The following OBSL1 variants were observed in gnomAD, a reference collection of about 807,000 sequenced individuals.
OBSL1 encodes obscurin like cytoskeletal adaptor 1, also known as obscurin-like protein 1.
A neutral mutation model predicts 172.0 loss-of-function variants in OBSL1; 160 were observed. The ratio of observed to expected loss-of-function variants is 0.93; its 90% confidence interval spans 0.82 to 1.06. OBSL1 has a LOEUF of 1.06. OBSL1 is among the 50% of genes least tolerant of loss of function. The pLI is 0.00. For synonymous variants in OBSL1, 1,200 were observed against 1,196.3 expected (o/e 1.00, Z -0.06); for missense variants, 2,681 against 2,715.4 (o/e 0.99, Z 0.28).
intron 16 of OBSL1, 92 bp downstream of exon 16, chr2:219,553,482 C>T (rs1263573632): frequency 1.1e-6 from 1 of 929,398 alleles, no homozygotes; most frequent in Non-Finnish European, 1.7e-6. Context: ...GTGCCAGGCA[C>T]ATCCGCTCAA....
chr2:219,560,102 TC>T (rs1232977041), intron 8 of OBSL1, among the ~76,000 whole-genome samples: 1 of 152,160 alleles, frequency 6.6e-6, no homozygotes, highest in Non-Finnish European at 1.5e-5. Context: ...CCAGGAACAG[TC>T]CCAAGCACTT....
downstream of OBSL1, chr2:219,547,266 A>G (rs1172566043): frequency 2.5e-6 from 1 of 407,662 alleles, no homozygotes; most frequent in Non-Finnish European, 4.3e-6. Flanking sequence ...ATCAACCCTC[A>G]TGATCTCAAT....
rs781561827 is a variant in OBSL1, at chr2:219,556,656, C to T, written c.4134G>A (p.Thr1378=). 9 of 1,612,696 alleles carry T rather than the reference C, an allele frequency of 5.6e-6. No homozygotes were observed. The highest frequency in any genetic ancestry group is 1.7e-5 in the Admixed American group (1 of 59,982). Residue 1378 remains threonine, a synonymous_variant, in exon 13 of 21, where the codon ACG becomes ACA. Transcript: ENST00000404537. The part of the protein sequence containing the change: ...PLTVHEGDDA[T]FRCEVSPPDA... ...CTGGTGGGGAGACTTCACACCGGAA[C>T]GTGGCATCATCGCCCTCGTGGACAG... is the stretch of plus-strand genomic sequence containing the variant.
At chr2:219,553,227 G>T (rs758878802) in intron 16 of OBSL1, among the ~76,000 whole-genome samples, 5 of 152,192 alleles carry the variant, frequency 3.3e-5, no homozygotes, top group Non-Finnish European at 7.4e-5. Flanking sequence ...TCACCCTTTG[G>T]GGACCTTAGG....
In OBSL1 at chr2:219,570,961, C is replaced by T. The variant is rs1436149831; in HGVS notation, c.272G>A (p.Gly91Asp). The T allele has an allele frequency of 7.8e-7, 1 of 1,282,718 alleles. No homozygotes were observed. Among genetic ancestry groups the T allele is most frequent in the Non-Finnish European group, 9.8e-7 (1 of 1,022,354 alleles). The allele number at this position is 1,282,718 out of a possible 1,614,324, so 79.5% of individuals were successfully genotyped here. ...VYVCRARNAA[G>D]EAYAAAAVTV... is the part of the protein sequence containing the mutation. ...GACGGCGGCCGCCGCGTAGGCCTCG[C>T]CGGCCGCGTTGCGGGCGCGGCACAC... Residue 91 changes from glycine (G) to aspartate (D), a missense_variant, in exon 1 of 21, where the codon GGC (glycine) becomes GAC (aspartate). Coordinates refer to ENST00000404537, the MANE Select transcript of OBSL1 (RefSeq NM_015311.3).
chr2:219,566,560 A>G (rs1000662962), intron 5 of OBSL1, among the ~76,000 whole-genome samples: 3 of 152,160 alleles, frequency 2.0e-5, no homozygotes, highest in Non-Finnish European at 2.9e-5. Flanking sequence ...TGAGATGACA[A>G]ATCTGACAGG....
Position 219,556,588 on chromosome 2 carries a change from G to C in OBSL1, c.4202C>G (p.Pro1401Arg). ...TWLRNGAVVT[P>R]GPQVEMAQNG... is the part of the protein sequence containing the mutation. ...CTGGGCCATCTCCACCTGGGGCCCT[G>C]GAGTGACGACGGCCCCATTGCGCAG... The change falls in exon 13 of 21, where the codon CCA becomes CGA. Residue 1401 changes from proline (P) to arginine (R), a missense_variant. Physicochemically the swap from Pro to Arg is moderately radical, Grantham distance 103. This residue lies in a region of OBSL1 where 1,765 missense variants were observed against 1,748.3 expected (regional missense o/e 1.01). Coordinates refer to ENST00000404537, the MANE Select transcript of OBSL1 (RefSeq NM_015311.3). 6.2e-7 allele frequency: 1 copy of C among 1,614,010 alleles called. No homozygotes were observed. Among genetic ancestry groups the C allele is most frequent in the Non-Finnish European group, 8.5e-7 (1 of 1,179,896 alleles).
Position 219,556,020 on chromosome 2 carries a change from G to T in OBSL1, c.4609C>A (p.Pro1537Thr). Residue 1537 changes from proline to threonine, a missense_variant and splice_region_variant, in exon 14 of 21, where the codon CCG becomes ACG. By Grantham distance (38) the Pro-to-Thr change is conservative. Coordinates refer to ENST00000404537, the MANE Select transcript of OBSL1 (RefSeq NM_015311.3). The stretch of plus-strand genomic sequence containing the variant: ...CATTAAGAGAGGACGGGGCACTCAC[G>T]CCTCACGCTGAGCCTGGCCAGGGTG... ...DRTLARLSVR[P>T]RQLRVLRPLE... The T allele has an allele frequency of 1.2e-6, 2 of 1,613,304 alleles. No individual in the cohort carries two copies. Among genetic ancestry groups the T allele is most frequent in the Non-Finnish European group, 1.7e-6 (2 of 1,179,816 alleles).
At chr2:219,551,925 T>G (rs561477104) in intron 19 of OBSL1, 127 bp from the exon 20 acceptor site, 1 of 854,834 alleles carries the variant, frequency 1.2e-6, no homozygotes, top group East Asian at 2.6e-5. Flanking sequence ...TCCGTTCCCT[T>G]GCACCTCAGA....
At chr2:219,552,468 T>C in intron 18 of OBSL1, 68 bp downstream of exon 18, 1 of 1,444,588 alleles carries the variant, frequency 6.9e-7, no homozygotes, top group Non-Finnish European at 9.2e-7. Context: ...CTTGTCCCGG[T>C]GGGGCGGGAT....
rs1298874283 is a variant in OBSL1 at position 219,552,652 on chromosome 2, C to T, written c.5192G>A (p.Arg1731His). 1.9e-6 allele frequency: 3 copies of T among 1,544,766 alleles called. No individual in the cohort carries two copies. Among genetic ancestry groups the T allele is most frequent in the Non-Finnish European group, 2.6e-6 (3 of 1,149,406 alleles). The change falls in exon 18 of 21, where the codon CGC becomes CAC. Residue 1731 changes from arginine to histidine, a missense_variant. By Grantham distance (29) the Arg-to-His change is conservative (BLOSUM62 0). This residue lies in a region of OBSL1 where 1,765 missense variants were observed against 1,748.3 expected (regional missense o/e 1.01). Transcript: ENST00000404537. ...VLSELRSVSA[R>H]EGDGATFECT... Reference sequence around the variant, plus strand: ...CTCGAACGTAGCGCCGTCGCCTTCGCGGGCGCTCACCGACCGCAGCTCGGA... The same window carrying T: ...CTCGAACGTAGCGCCGTCGCCTTCGTGGGCGCTCACCGACCGCAGCTCGGA...
intron 12 of OBSL1, 155 bp from the exon 13 acceptor site, chr2:219,556,878 AG>A (rs1390417608): frequency 3.8e-6 from 3 of 782,290 alleles, no homozygotes; most frequent in Non-Finnish European, 6.0e-6. Context: ...CCAAAGGACA[AG>A]ATGCCAGCTC....
chr2:219,567,845 CG>C lies in OBSL1; in HGVS notation c.1406del (p.Pro469ArgfsTer42). On this transcript the variant is annotated frameshift_variant, in exon 3 of 21. Coordinates refer to ENST00000404537, the MANE Select transcript of OBSL1 (RefSeq NM_015311.3). LOFTEE classifies it high-confidence loss of function. ...GRWSRDGEEL[P>X]VICQSSSGHM... Reference sequence around the variant, plus strand: ...GGCCTGAGCTGCTCTGGCAGATGACCGGCAGCTCCTCCCCATCACGGCTCCA... The same window carrying C: ...GGCCTGAGCTGCTCTGGCAGATGACCGCAGCTCCTCCCCATCACGGCTCCA... The C allele has an allele frequency of 6.2e-7, 1 of 1,613,962 alleles. No individual in the cohort carries two copies. The highest frequency in any genetic ancestry group is 8.5e-7 in the Non-Finnish European group (1 of 1,179,900).
intron 20 of OBSL1, chr2:219,551,195 A>C: frequency 7.2e-7 from 1 of 1,383,374 alleles, no homozygotes; most frequent in Non-Finnish European, 9.4e-7. Flanking sequence ...GGAGGAAGGC[A>C]GTGTTGGTGA....
At position 219,559,331 on chromosome 2, in the gene OBSL1, A is replaced by C; in HGVS notation, c.3120T>G (p.Asp1040Glu). The C allele has an allele frequency of 1.2e-6, 2 of 1,613,850 alleles. No homozygotes were observed. The highest frequency in any genetic ancestry group is 1.7e-6 in the Non-Finnish European group (2 of 1,179,842). The change falls in exon 9 of 21, where the codon GAT becomes GAG. Residue 1040 changes from aspartate to glutamate, a missense_variant. Asp to Glu is a conservative substitution (Grantham distance 45). Coordinates refer to ENST00000404537, the MANE Select transcript of OBSL1 (RefSeq NM_015311.3). Reference protein sequence around the residue: ...EESEALVLERDGPRCRLVLPA... With the variant: ...EESEALVLEREGPRCRLVLPA... ...GTAGCACCAGGCGGCAGCGTGGCCCATCCCTCTCCAGCACCAGGGCCTCGC... is the reference window on the plus strand; with the variant it reads ...GTAGCACCAGGCGGCAGCGTGGCCCCTCCCTCTCCAGCACCAGGGCCTCGC...
At position 219,558,110 on chromosome 2, in the gene OBSL1, TC is replaced by T; in HGVS notation, c.3503-1del. 1 of 1,613,108 alleles carries T rather than the reference TC, an allele frequency of 6.2e-7. No homozygotes were observed. Among genetic ancestry groups the T allele is most frequent in the Non-Finnish European group, 8.5e-7 (1 of 1,179,602 alleles). On this transcript the variant is annotated splice_acceptor_variant, in intron 10 of 20. Transcript: ENST00000404537. LOFTEE classifies it high-confidence loss of function. ...TAGAGCAAGGAACTGCACTGGAGGCTCTGGAGAAGAGAGGAAGGTGTCATCC... is the reference window on the plus strand; with the variant it reads ...TAGAGCAAGGAACTGCACTGGAGGCTTGGAGAAGAGAGGAAGGTGTCATCC...
Position 219,570,651 on chromosome 2 carries a change from C to T in OBSL1, c.582G>A (p.Leu194=). The T allele has an allele frequency of 6.6e-7, 1 of 1,509,950 alleles. No individual in the cohort carries two copies. The highest frequency in any genetic ancestry group is 8.8e-7 in the Non-Finnish European group (1 of 1,134,774). 93.5% of individuals were successfully genotyped at this position (1,509,950 alleles called of 1,614,324 possible). The change falls in exon 1 of 21, where the codon CTG becomes CTA. Residue 194 remains leucine, a synonymous_variant. Coordinates refer to ENST00000404537, the MANE Select transcript of OBSL1 (RefSeq NM_015311.3). ...AEDGPGASLA[L]RILAARLPDS... ...CCGGCAGCCGAGCCGCCAGGATGCG[C>T]AGTGCCAGGCTCGCGCCGGGGCCGT...
chr2:219,565,455 C>G lies in OBSL1; in HGVS notation c.2194G>C (p.Glu732Gln). Reference protein sequence around the residue: ...DRVSLTFTTSERVVLTCELSR... With the variant: ...DRVSLTFTTSQRVVLTCELSR... The stretch of plus-strand genomic sequence containing the variant: ...AGCTCACAAGTCAGCACCACCCGCT[C>G]TGAGGTTGTGAAGGTCAACGACACC... The change falls in exon 6 of 21, where the codon GAG becomes CAG. Residue 732 changes from glutamate to glutamine, a missense_variant. Around this residue, in one of 5 missense-constraint regions of OBSL1, gnomAD observed 1,765 missense variants for 1,748.3 expected, o/e 1.01. Coordinates refer to ENST00000404537, the MANE Select transcript of OBSL1 (RefSeq NM_015311.3). The G allele has an allele frequency of 1.2e-6, 2 of 1,613,364 alleles. No individual in the cohort carries two copies. The highest frequency in any genetic ancestry group is 1.7e-6 in the Non-Finnish European group (2 of 1,179,858).
At chr2:219,565,218 G>T (rs929250730) in intron 6 of OBSL1, 24 bp downstream of exon 6, 2 of 1,588,322 alleles carry the variant, frequency 1.3e-6, no homozygotes, top group East Asian at 2.3e-5. Context: ...GGCTGGAGGA[G>T]CCCAGGCTGG....
Sources: gnomAD v4.1 joint callset for allele counts (sites outside exome capture counted in the v4.1 genomes callset) on GRCh38, gnomAD v4.1.1 for gene constraint, gnomAD v4.1.1 regional missense constraint, MANE v1.5 for transcripts, NCBI Gene and HGNC (gene_info 2026-07-23, HGNC 2026-07-21) for gene names.